Variants in SPTBN1 observed in about 807,000 individuals in gnomAD.
SPTBN1 encodes the protein spectrin beta chain, non-erythrocytic 1.
A neutral mutation model predicts 266.4 loss-of-function variants in SPTBN1; 32 were observed. The observed-to-expected ratio is 0.12, with a 90% confidence interval of 0.09 to 0.16. The LOEUF is 0.16. Ranked by LOEUF, SPTBN1 falls within the 10% of genes least tolerant of loss-of-function variation. The pLI, the probability that SPTBN1 is intolerant of heterozygous loss-of-function variation, is 1.00. For synonymous variants in SPTBN1, 1,336 were observed against 1,162.2 expected, an observed-to-expected ratio of 1.15 and a Z score of -3.04; for missense variants, 2,296 against 3,067.1, an observed-to-expected ratio of 0.75 and a Z score of 5.94.
rs553633778 is a variant in SPTBN1, at chr2:54,588,478, A to G, written c.149-10614A>G. On this transcript the variant is annotated intron_variant, in intron 2 of 35. Coordinates refer to ENST00000356805, the MANE Select transcript of SPTBN1 (RefSeq NM_003128.3). Reference sequence around the variant, plus strand: ...GATGGAGTGCCTCAGGTGCTTTGGGATTCTGTAGGGTTCAGATAAATGTGG... The same window carrying G: ...GATGGAGTGCCTCAGGTGCTTTGGGGTTCTGTAGGGTTCAGATAAATGTGG... 5.3e-5 allele frequency among the ~76,000 whole-genome samples: 8 copies of G among 152,152 alleles called. No individual in the cohort carries two copies. In the South Asian group the frequency reaches 1.7e-3, roughly 32 times the overall value.
intron 2 of SPTBN1, among the ~76,000 whole-genome samples, chr2:54,534,088 C>T (rs1408890005): frequency 6.6e-6 from 1 of 152,202 alleles, no homozygotes; most frequent in Non-Finnish European, 1.5e-5. Flanking sequence ...GGCTGCAGGT[C>T]TCTGAGAACA....
rs376495918 is a variant in SPTBN1 at position 54,628,451 on chromosome 2, C to T, written c.1798+201C>T. Among the ~76,000 whole-genome samples, 20 of 152,260 alleles carry T rather than the reference C, an allele frequency of 1.3e-4. No individual in the cohort carries two copies. In the East Asian group the frequency reaches 1.4e-3, roughly 10 times the overall value. ...AATTGATACATCCTTTCCTTAAATA[C>T]GCAAATGCTGCCTTTGCTTTGAGTG... is the stretch of plus-strand genomic sequence containing the variant. On this transcript the variant is annotated intron_variant, in intron 13 of 35. Transcript: ENST00000356805. The surrounding 1 kb of genome is among the most constrained non-coding windows in gnomAD (Gnocchi z 4.3).
rs1458772146 is a variant in SPTBN1 at position 54,629,428 on chromosome 2, A to G, written c.2294A>G (p.Lys765Arg). ...GATGCCTGGATGCTGGACATCCTCA[A>G]GATTGTCTCCAGCAGCGACGTGGGC... ...DIDAWMLDIL[K>R]IVSSSDVGHD... is the part of the protein sequence containing the mutation. Residue 765 changes from lysine to arginine, a missense_variant, in exon 14 of 36, where the codon AAG becomes AGG. By Grantham distance (26) the Lys-to-Arg change is conservative. Transcript: ENST00000356805. 6.2e-7 allele frequency: 1 copy of G among 1,614,138 alleles called. No individual in the cohort carries two copies. Among genetic ancestry groups the G allele is most frequent in the Non-Finnish European group, 8.5e-7 (1 of 1,180,046 alleles).
At chr2:54,496,483 CA>C (rs930064156) in intron 1 of SPTBN1, among the ~76,000 whole-genome samples, 4 of 144,798 alleles carry the variant, frequency 2.8e-5, no homozygotes, top group South Asian at 2.2e-4. Context: ...TAACAGCTAA[CA>C]TTTTTTTTGG....
At chr2:54,627,066 T>G (rs1483682422) in intron 12 of SPTBN1, among the ~76,000 whole-genome samples, 1 of 150,212 alleles carries the variant, frequency 6.7e-6, no homozygotes, top group African/African-American at 2.4e-5. Context: ...CTCAGCACGC[T>G]GTGTTCCCAA....
At chr2:54,564,805 C>T (rs1264701060) in intron 2 of SPTBN1, among the ~76,000 whole-genome samples, 19 of 152,186 alleles carry the variant, frequency 1.2e-4, no homozygotes, top group Non-Finnish European at 2.1e-4. Flanking sequence ...GATCATTCAC[C>T]TGTGATTTTT....
chr2:54,658,854 C>A (rs923282707), intron 30 of SPTBN1, among the ~76,000 whole-genome samples: 1 of 152,176 alleles, frequency 6.6e-6, no homozygotes, highest in Non-Finnish European at 1.5e-5. Context: ...AGGTACTTTT[C>A]TCCTCAGCAG....
rs993486646 is a variant in SPTBN1 at position 54,657,743 on chromosome 2, G to GT, written c.6047-105dup. On this transcript the variant is annotated intron_variant, in intron 29 of 35. Transcript: ENST00000356805. ...CTAATTTAGAGTAGACGATAGACTG[G>GT]TTATGCAGGTAGCCATCACCAGAGG... The GT allele has an allele frequency of 9.7e-6, 13 of 1,333,702 alleles. No homozygotes were observed. In the Admixed American group the frequency reaches 1.5e-4, roughly 15 times the overall value. 82.6% of individuals were successfully genotyped at this position (1,333,702 alleles called of 1,614,324 possible). A position where few individuals can be genotyped will look rare whatever the true frequency, so the allele number is the denominator to read the frequency against.
chr2:54,512,263 A>G (rs757990661), intron 1 of SPTBN1, among the ~76,000 whole-genome samples: 2 of 152,180 alleles, frequency 1.3e-5, no homozygotes, highest in African/African-American at 2.4e-5. Flanking sequence ...TGTTTTTTCT[A>G]GGATTGATAT....
intron 2 of SPTBN1, among the ~76,000 whole-genome samples, chr2:54,537,306 C>T (rs1478413027): frequency 6.6e-6 from 1 of 152,138 alleles, no homozygotes; most frequent in Non-Finnish European, 1.5e-5. Flanking sequence ...TCCTTGTTTC[C>T]TGTAGTTCAA....
intron 29 of SPTBN1, among the ~76,000 whole-genome samples, chr2:54,657,106 A>G (rs1285193338): frequency 6.6e-6 from 1 of 152,240 alleles, no homozygotes; most frequent in Non-Finnish European, 1.5e-5. Flanking sequence ...ATCAGTGTTA[A>G]CTATAGCAGA....
chr2:54,643,913 A>G (rs561704325), intron 19 of SPTBN1, among the ~76,000 whole-genome samples: 6 of 152,130 alleles, frequency 3.9e-5, no homozygotes, highest in Admixed American at 2.6e-4. Flanking sequence ...CAGAGGTTGC[A>G]GTGAGCTGAG....
intron 9 of SPTBN1, 26 bp downstream of exon 9, chr2:54,622,513 A>G (rs1343019293): frequency 6.2e-7 from 1 of 1,606,468 alleles, no homozygotes; most frequent in Non-Finnish European, 8.5e-7. Flanking sequence ...TAGTGTGATC[A>G]TTAATATGGA....
chr2:54,473,353 T>G (rs1044440959), intron 1 of SPTBN1, among the ~76,000 whole-genome samples: 1 of 152,240 alleles, frequency 6.6e-6, no homozygotes, highest in Non-Finnish European at 1.5e-5. Context: ...GCAGCTTCTT[T>G]TAGATGTATT....
chr2:54,553,350 G>A (rs1008014532), intron 2 of SPTBN1, among the ~76,000 whole-genome samples: 1 of 152,174 alleles, frequency 6.6e-6, no homozygotes, highest in East Asian at 1.9e-4. Flanking sequence ...GGGAGTGGGT[G>A]GGCCAGAGAG....
rs1001261487 is a variant in SPTBN1, at chr2:54,646,948, C to A, written c.4867-183C>A. 6.6e-6 allele frequency among the ~76,000 whole-genome samples: 1 copy of A among 152,208 alleles called. No individual in the cohort carries two copies. The highest frequency in any genetic ancestry group is 1.5e-5 in the Non-Finnish European group (1 of 68,042). On this transcript the variant is annotated intron_variant, in intron 23 of 35. Coordinates refer to ENST00000356805, the MANE Select transcript of SPTBN1 (RefSeq NM_003128.3). The surrounding 1 kb of genome is among the most constrained non-coding windows in gnomAD (Gnocchi z 4.4). ...TTGTGTTTATCTTCTGCACAGGCTT[C>A]TGTGGTCCAGTCCATATGGAAGCTC...
At chr2:54,481,510 T>C (rs1476796148) in intron 1 of SPTBN1, among the ~76,000 whole-genome samples, 1 of 151,906 alleles carries the variant, frequency 6.6e-6, no homozygotes, top group Non-Finnish European at 1.5e-5. Context: ...ACCAAGTCCC[T>C]GAGGAAAAGC....
intron 10 of SPTBN1, among the ~76,000 whole-genome samples, chr2:54,624,490 A>G (rs1678197488): frequency 6.6e-6 from 1 of 152,242 alleles, no homozygotes; most frequent in Non-Finnish European, 1.5e-5. Flanking sequence ...AAAGCTATTT[A>G]AGATAATTTA....
chr2:54,621,251 A>G, intron 7 of SPTBN1, 149 bp from the exon 8 acceptor site: 2 of 538,950 alleles, frequency 3.7e-6, no homozygotes, highest in Non-Finnish European at 3.4e-6. Context: ...TATCCTTGTA[A>G]TTAATGCACG....
Sources: gnomAD v4.1 joint callset for allele counts (sites outside exome capture counted in the v4.1 genomes callset) on GRCh38, gnomAD v4.1.1 for gene constraint, Gnocchi (gnomAD v3.1) non-coding constraint, MANE v1.5 for transcripts, NCBI Gene and HGNC (gene_info 2026-07-23, HGNC 2026-07-21) for gene names.